CSNK1D: variants seen among roughly 807,000 people sequenced by gnomAD.
CSNK1D encodes the protein casein kinase 1 delta, also known as casein kinase I isoform delta.
Under a neutral mutation model 46.6 loss-of-function variants are expected in CSNK1D, and 16 were observed. The ratio of observed to expected loss-of-function variants is 0.34; its 90% confidence interval spans 0.23 to 0.52. CSNK1D has a LOEUF of 0.52. CSNK1D is among the 20% of genes least tolerant of loss of function. The pLI, the probability that CSNK1D is intolerant of heterozygous loss-of-function variation, is 0.95. For synonymous variants in CSNK1D, 276 were observed against 228.2 expected (o/e 1.21, Z -1.89); for missense variants, 398 against 578.4 (o/e 0.69, Z 3.20).
chr17:82,259,227 G>A (rs2051263117), intron 2 of CSNK1D, among the ~76,000 whole-genome samples: 1 of 152,166 alleles, frequency 6.6e-6, no homozygotes, highest in African/African-American at 2.4e-5. Flanking sequence ...TAAGCATTAT[G>A]TTTTAAATTA....
rs1261442276 is a variant in CSNK1D, at chr17:82,251,531, C to T, written c.737-4G>A. The T allele has an allele frequency of 1.9e-6, 3 of 1,613,878 alleles. No homozygotes were observed. The highest frequency in any genetic ancestry group is 3.3e-5 in the Admixed American group (2 of 59,976). On this transcript the variant is annotated splice_polypyrimidine_tract_variant and splice_region_variant and intron_variant, in intron 5 of 8. Coordinates refer to ENST00000314028, the MANE Select transcript of CSNK1D (RefSeq NM_001893.6). The surrounding 1 kb of genome is among the most constrained non-coding windows in gnomAD (Gnocchi z 4.5). ...TTCAGGTATGTGGCAAATTCGGCTA[C>T]AAAACAAGAAACTCAAAGCTAACTC...
chr17:82,239,670 C>T (rs1205161670), downstream of CSNK1D: 3 of 321,978 alleles, frequency 9.3e-6, no homozygotes, highest in Non-Finnish European at 1.7e-5. Context: ...GCCGCTGTGC[C>T]AGGGTGGCCT....
At chr17:82,254,479 C>A in intron 3 of CSNK1D, 1 of 260,920 alleles carries the variant, frequency 3.8e-6, no homozygotes, top group South Asian at 2.9e-5. Flanking sequence ...AGCCAGTGCG[C>A]TGAGCCGCCG....
At chr17:82,246,083 C>T in intron 8 of CSNK1D, 1 of 1,582,434 alleles carries the variant, frequency 6.3e-7, no homozygotes, top group African/African-American at 1.3e-5. Flanking sequence ...TCCCGCTGGC[C>T]CCCTGACTAC....
chr17:82,249,326 G>A lies in CSNK1D; in HGVS notation c.1057+105C>T, dbSNP rs2050935688. ...TCAGGAGCGAGCATCGCCTGACACAGGGCACTTAGTGTCCACCACCAAGTA... is the reference window on the plus strand; with the variant it reads ...TCAGGAGCGAGCATCGCCTGACACAAGGCACTTAGTGTCCACCACCAAGTA... On this transcript the variant is annotated intron_variant, in intron 7 of 8. Transcript: ENST00000314028. This position sits in a 1 kb window ranked among gnomAD's most constrained non-coding sequence, Gnocchi z 6.7. 3 of 1,226,016 alleles carry A rather than the reference G, an allele frequency of 2.4e-6. No homozygotes were observed. Among genetic ancestry groups the A allele is most frequent in the South Asian group, 1.3e-5 (1 of 75,370 alleles). 75.9% of individuals were successfully genotyped at this position (1,226,016 alleles called of 1,614,324 possible).
At chr17:82,262,775 T>A (rs2147206746) in intron 2 of CSNK1D, among the ~76,000 whole-genome samples, 1 of 152,330 alleles carries the variant, frequency 6.6e-6, no homozygotes. Context: ...TTCTTCCCAT[T>A]ATTTGTCAAC....
At chr17:82,263,373 G>A (rs1259767372) in intron 2 of CSNK1D, among the ~76,000 whole-genome samples, 1 of 152,182 alleles carries the variant, frequency 6.6e-6, no homozygotes, top group Admixed American at 6.5e-5. Flanking sequence ...CCTAGAGAAG[G>A]TGCCATGGGC....
At chr17:82,258,204 CAAAAA>C (rs36125401) in intron 2 of CSNK1D, among the ~76,000 whole-genome samples, 1 of 51,906 alleles carries the variant, frequency 1.9e-5, no homozygotes. Context: ...GAGACCGTCT[CAAAAA>C]AAAAAAAAAA....
intron 2 of CSNK1D, chr17:82,260,868 T>A (rs148551930): frequency 1.8e-3 from 279 of 154,350 alleles, no homozygotes; most frequent in South Asian, 5.4e-3. Context: ...TGACTGATGA[T>A]GTATTTACTG....
At chr17:82,257,963 G>A (rs914251801) in intron 2 of CSNK1D, among the ~76,000 whole-genome samples, 1 of 152,130 alleles carries the variant, frequency 6.6e-6, no homozygotes, top group South Asian at 2.1e-4. Context: ...ATTCCAGCAC[G>A]TTGGAGGTGG....
intron 8 of CSNK1D, chr17:82,245,726 C>G: frequency 1.9e-6 from 1 of 527,662 alleles, no homozygotes; most frequent in South Asian, 2.0e-5. Flanking sequence ...CACGGGGAGG[C>G]CACAGGCCAA....
intron 2 of CSNK1D, among the ~76,000 whole-genome samples, chr17:82,264,802 T>TTA (rs1445336364): frequency 6.6e-6 from 1 of 150,818 alleles, no homozygotes; most frequent in African/African-American, 2.4e-5. Context: ...AAAATCTTTT[T>TTA]TTTTTTTTTT....
In CSNK1D at chr17:82,255,573, G is replaced by A; in HGVS notation, c.192C>T (p.Gly64=). 6.2e-7 allele frequency: 1 copy of A among 1,614,152 alleles called. No homozygotes were observed. Among genetic ancestry groups the A allele is most frequent in the Non-Finnish European group, 8.5e-7 (1 of 1,180,034 alleles). ...KIYKMMQGGV[G]IPTIRWCGAE... The stretch of plus-strand genomic sequence containing the variant: ...CCCCGCACCATCTGATGGTGGGGAT[G>A]CCCACTAGGCAAGGAAATCAGACAC... The change falls in exon 3 of 9, where the codon GGC becomes GGT. Residue 64 remains glycine (G), a synonymous_variant. Transcript: ENST00000314028. The surrounding 1 kb of genome is among the most constrained non-coding windows in gnomAD (Gnocchi z 5.9).
At position 82,251,641 on chromosome 17, in the gene CSNK1D, A is replaced by G. The variant is rs112223442; in HGVS notation, c.737-114T>C. On this transcript the variant is annotated intron_variant, in intron 5 of 8. Coordinates refer to ENST00000314028, the MANE Select transcript of CSNK1D (RefSeq NM_001893.6). This position sits in a 1 kb window ranked among gnomAD's most constrained non-coding sequence, Gnocchi z 4.5. ...TGCACACTCAAGGGGAGAAGGACAG[A>G]TGCAAAACACCTGTCAGATTTCTAA... 10 of 1,034,830 alleles carry G rather than the reference A, an allele frequency of 9.7e-6. No homozygotes were observed. Among genetic ancestry groups the G allele is most frequent in the African/African-American group, 6.2e-5 (4 of 64,018 alleles). The allele number at this position is 1,034,830 out of a possible 1,614,324, so 64.1% of individuals were successfully genotyped here. A position where few individuals can be genotyped will look rare whatever the true frequency, so the allele number is the denominator to read the frequency against.
chr17:82,239,215 G>GC (rs1009281510), downstream of CSNK1D: 5 of 279,462 alleles, frequency 1.8e-5, no homozygotes, highest in Non-Finnish European at 2.6e-5. Flanking sequence ...CTCACCAGGG[G>GC]CCCCGCCTGC....
Position 82,242,831 on chromosome 17 carries a change from G to C in CSNK1D, c.*1950C>G. On this transcript the variant is annotated 3_prime_UTR_variant, in exon 9 of 9. Transcript: ENST00000314028. Reference sequence around the variant, plus strand: ...GCGACGGGGACTAGATACTGGGCAAGGACTGTCACAAGCACTCCGAAGACG... The same window carrying C: ...GCGACGGGGACTAGATACTGGGCAACGACTGTCACAAGCACTCCGAAGACG... 3.0e-6 allele frequency: 3 copies of C among 985,046 alleles called. No homozygotes were observed. The highest frequency in any genetic ancestry group is 3.6e-6 in the Non-Finnish European group (3 of 829,568). The allele number at this position is 985,046 out of a possible 1,614,324, so 61.0% of individuals were successfully genotyped here.
Position 82,249,036 on chromosome 17 carries a change from G to T in CSNK1D, c.1058-22C>A. On this transcript the variant is annotated intron_variant, in intron 7 of 8. Transcript: ENST00000314028. The surrounding 1 kb of genome is among the most constrained non-coding windows in gnomAD (Gnocchi z 6.7). ...TTAGCTGAGGACAGGGAGAGAAACG[G>T]AGTGGGCCGCCCCCGTCTGCTGCCT... The T allele has an allele frequency of 6.4e-7, 1 of 1,550,440 alleles. No individual in the cohort carries two copies. The highest frequency in any genetic ancestry group is 1.2e-5 in the South Asian group (1 of 84,220).
rs2050766372 is a variant in CSNK1D, at chr17:82,243,004, A to G, written c.*1777T>C. ...ACGTCTCTCCGGGTGGGGGACGTCT[A>G]CCTTCAAGAAGGGGTCCAGCAACAA... is the stretch of plus-strand genomic sequence containing the variant. On this transcript the variant is annotated 3_prime_UTR_variant, in exon 9 of 9. Coordinates refer to ENST00000314028, the MANE Select transcript of CSNK1D (RefSeq NM_001893.6). 1.0e-6 allele frequency: 1 copy of G among 985,440 alleles called. No individual in the cohort carries two copies. The highest frequency in any genetic ancestry group is 1.7e-5 in the African/African-American group (1 of 57,348). 61.0% of individuals were successfully genotyped at this position (985,440 alleles called of 1,614,324 possible).
chr17:82,243,245 A>C lies in CSNK1D; in HGVS notation c.*1536T>G, dbSNP rs2050771794. ...GCCAGCCAGTTATGGCATCCGGGGA[A>C]CTCTGGGGAGGAGAAGGGAGAACCA... On this transcript the variant is annotated 3_prime_UTR_variant, in exon 9 of 9. Transcript: ENST00000314028. 1 of 985,386 alleles carries C rather than the reference A, an allele frequency of 1.0e-6. No individual in the cohort carries two copies. The highest frequency in any genetic ancestry group is 1.2e-6 in the Non-Finnish European group (1 of 829,996). The allele number at this position is 985,386 out of a possible 1,614,324, so 61.0% of individuals were successfully genotyped here.
Sources: gnomAD v4.1 joint callset for allele counts (sites outside exome capture counted in the v4.1 genomes callset) on GRCh38, gnomAD v4.1.1 for gene constraint, Gnocchi (gnomAD v3.1) non-coding constraint, MANE v1.5 for transcripts, NCBI Gene and HGNC (gene_info 2026-07-23, HGNC 2026-07-21) for gene names.